CEMIP: variants seen among roughly 807,000 people sequenced by gnomAD.
CEMIP encodes cell migration inducing hyaluronidase 1.
CEMIP carries 105 observed loss-of-function variants against 156.9 expected under a neutral mutation model. That is an observed-to-expected ratio of 0.67 (90% confidence interval 0.57 to 0.79). The LOEUF (loss-of-function observed/expected upper bound fraction) is 0.79. Ranked by LOEUF, CEMIP falls within the 30% of genes least tolerant of loss-of-function variation. CEMIP has a pLI of 0.00. For missense variants in CEMIP, 1,457 were observed against 1,769.4 expected (o/e 0.82, Z 3.17); for synonymous variants, 676 against 668.4 (o/e 1.01, Z -0.17).
chr15:80,883,638 T>G lies in CEMIP; in HGVS notation c.618-537T>G, dbSNP rs76247122. Among the ~76,000 whole-genome samples, 1,360 of 152,338 alleles carry G rather than the reference T, an allele frequency of 8.9e-3. 22 individuals carry two copies. Among genetic ancestry groups the G allele is most frequent in the African/African-American group, 0.03 (1,255 of 41,580 alleles). On this transcript the variant is annotated intron_variant, in intron 6 of 29. Transcript: ENST00000394685. ...CATTAACAGGTCAATAAATAAACTT[T>G]AAGTTGGATCTCTGCAAGTAACTCT...
intron 6 of CEMIP, among the ~76,000 whole-genome samples, chr15:80,883,355 T>C (rs1596156683): frequency 6.6e-6 from 1 of 152,354 alleles, no homozygotes; most frequent in Non-Finnish European, 1.5e-5. Context: ...TATCAGTCAA[T>C]TTGGAGATTA....
intron 12 of CEMIP, among the ~76,000 whole-genome samples, chr15:80,902,580 T>C (rs1899612925): frequency 6.6e-6 from 1 of 152,164 alleles, no homozygotes; most frequent in Non-Finnish European, 1.5e-5. Context: ...TTGTAAAAGG[T>C]TCTGATAGGA....
intron 27 of CEMIP, 83 bp downstream of exon 27, chr15:80,942,420 TG>T (rs1901378899): frequency 8.3e-7 from 1 of 1,205,734 alleles, no homozygotes; most frequent in East Asian, 2.3e-5. Flanking sequence ...CACAAATTAC[TG>T]CAAACTGGGA....
intron 1 of CEMIP, among the ~76,000 whole-genome samples, chr15:80,795,145 A>G (rs1176069833): frequency 6.6e-6 from 1 of 152,132 alleles, no homozygotes; most frequent in African/African-American, 2.4e-5. Flanking sequence ...GAAGGGGATC[A>G]TGCAGCATCT....
intron 14 of CEMIP, among the ~76,000 whole-genome samples, chr15:80,916,487 C>T (rs188116441): frequency 6.6e-6 from 1 of 152,322 alleles, no homozygotes; most frequent in African/African-American, 2.4e-5. Flanking sequence ...GGAGAACTTA[C>T]ATATTACTTC....
At chr15:80,826,604 G>C (rs547870736) in intron 1 of CEMIP, among the ~76,000 whole-genome samples, 1 of 152,106 alleles carries the variant, frequency 6.6e-6, no homozygotes, top group Admixed American at 6.5e-5. Context: ...AATTATGCAG[G>C]CCTCAAATTG....
chr15:80,889,725 T>C (rs1898971674), intron 10 of CEMIP, 133 bp downstream of exon 10: 1 of 1,121,990 alleles, frequency 8.9e-7, no homozygotes, highest in Non-Finnish European at 1.3e-6. Flanking sequence ...AGCCAAAGAG[T>C]ACCATTCCCA....
chr15:80,837,006 G>T (rs1005814234), intron 1 of CEMIP, among the ~76,000 whole-genome samples: 11 of 152,126 alleles, frequency 7.2e-5, no homozygotes, highest in African/African-American at 2.7e-4. Context: ...ACCAGAGCTG[G>T]CCCCAGAACC....
At chr15:80,879,244 G>C (rs920689090) in intron 4 of CEMIP, among the ~76,000 whole-genome samples, 1 of 152,208 alleles carries the variant, frequency 6.6e-6, no homozygotes, top group East Asian at 1.9e-4. Flanking sequence ...ATCTATATCT[G>C]TGGGTTCTGC....
intron 1 of CEMIP, among the ~76,000 whole-genome samples, chr15:80,811,193 G>A (rs1896664191): frequency 6.6e-6 from 1 of 152,196 alleles, no homozygotes; most frequent in African/African-American, 2.4e-5. Context: ...TGGTTTAGGA[G>A]CCCAAAGTCG....
chr15:80,827,568 G>A (rs888943256), intron 1 of CEMIP, among the ~76,000 whole-genome samples: 6 of 151,212 alleles, frequency 4.0e-5, no homozygotes, highest in South Asian at 2.1e-4. Flanking sequence ...GCAGTGAGCC[G>A]AGATCACACC....
intron 1 of CEMIP, among the ~76,000 whole-genome samples, chr15:80,853,182 T>G (rs527352764): frequency 6.6e-6 from 1 of 152,098 alleles, no homozygotes; most frequent in Admixed American, 6.5e-5. Context: ...AGATCACTCA[T>G]GTATGGGCTG....
chr15:80,840,486 G>A (rs929807322), intron 1 of CEMIP, among the ~76,000 whole-genome samples: 6 of 152,118 alleles, frequency 3.9e-5, no homozygotes, highest in Non-Finnish European at 8.8e-5. Flanking sequence ...TTAAATGTTT[G>A]TTTGGGTTTT....
chr15:80,942,319 C>T lies in CEMIP; in HGVS notation c.3681C>T (p.Asn1227=), dbSNP rs200724148. The change falls in exon 27 of 30, where the codon AAC becomes AAT. Residue 1227 remains asparagine (N), a synonymous_variant. Coordinates refer to ENST00000394685, the MANE Select transcript of CEMIP (RefSeq NM_001293298.2). ...SSKQHFFHLW[N]DFAYIEVDGK... ...AGCAGCACTTCTTCCACCTCTGGAA[C>T]GACTTCGCTTACATTGAAGTAAGTG... 8.9e-5 allele frequency: 143 copies of T among 1,614,024 alleles called. No homozygotes were observed. In the African/African-American group the frequency reaches 1.5e-3, roughly 17 times the overall value.
chr15:80,787,451 C>A (rs1430987837), intron 1 of CEMIP, among the ~76,000 whole-genome samples: 1 of 152,166 alleles, frequency 6.6e-6, no homozygotes, highest in Non-Finnish European at 1.5e-5. Flanking sequence ...AAACACTTGC[C>A]CTGGACAGTG....
intron 4 of CEMIP, among the ~76,000 whole-genome samples, chr15:80,879,400 A>G (rs981354303): frequency 6.6e-6 from 1 of 152,206 alleles, no homozygotes; most frequent in Non-Finnish European, 1.5e-5. Context: ...TAGGTATTAT[A>G]AGCAATCTAG....
intron 12 of CEMIP, among the ~76,000 whole-genome samples, chr15:80,897,754 A>G (rs1262386694): frequency 6.6e-6 from 1 of 152,268 alleles, no homozygotes; most frequent in Non-Finnish European, 1.5e-5. Context: ...GAAGGAGAAT[A>G]AATTCAGCAA....
At chr15:80,939,412 G>A (rs1439278915) in intron 25 of CEMIP, among the ~76,000 whole-genome samples, 1 of 152,246 alleles carries the variant, frequency 6.6e-6, no homozygotes, top group Admixed American at 6.5e-5. Context: ...ACCAGAGGAG[G>A]AGGAGTGAGA....
chr15:80,926,638 C>T (rs1250990968), intron 19 of CEMIP, among the ~76,000 whole-genome samples: 1 of 151,942 alleles, frequency 6.6e-6, no homozygotes, highest in Non-Finnish European at 1.5e-5. Flanking sequence ...ACTGACTTAG[C>T]ATTGGAGCCC....
Sources: allele counts gnomAD v4.1 joint callset (sites outside exome capture counted in the v4.1 genomes callset), GRCh38; gene constraint gnomAD v4.1.1; transcripts MANE v1.5; gene names NCBI Gene and HGNC (gene_info 2026-07-23, HGNC 2026-07-21).